Variants in CCSER1 observed in about 807,000 individuals in gnomAD.
The protein encoded by CCSER1 is coiled-coil serine rich protein 1.
CCSER1 carries 41 observed loss-of-function variants against 82.0 expected under a neutral mutation model. That is an observed-to-expected ratio of 0.50 (90% CI 0.39 to 0.65). CCSER1 has a LOEUF of 0.65. Among genes scored for constraint, CCSER1 ranks in the 30% least tolerant of loss-of-function variants. CCSER1 has a pLI of 0.00. For missense variants in CCSER1, 1,119 were observed against 1,064.2 expected (o/e 1.05, Z -0.72); for synonymous variants, 414 against 383.9 (o/e 1.08, Z -0.92).
chr4:91,458,186 TA>T (rs1327639195), intron 10 of CCSER1, among the ~76,000 whole-genome samples: 1 of 152,082 alleles, frequency 6.6e-6, no homozygotes, highest in African/African-American at 2.4e-5. Context: ...TATAGAGAGA[TA>T]GGGGTGTACT....
chr4:91,100,596 A>T (rs1402288849), intron 10 of CCSER1, among the ~76,000 whole-genome samples: 2 of 152,188 alleles, frequency 1.3e-5, no homozygotes, highest in African/African-American at 4.8e-5. Flanking sequence ...TCTACTTTGG[A>T]ATCTTTATTT....
At chr4:91,481,106 C>T (rs1327695335) in intron 10 of CCSER1, among the ~76,000 whole-genome samples, 9 of 147,548 alleles carry the variant, frequency 6.1e-5, no homozygotes, top group Non-Finnish European at 1.2e-4. Flanking sequence ...CTTCCCCTCC[C>T]CTACAGCCTC....
chr4:91,336,030 G>T (rs921891999), intron 10 of CCSER1, among the ~76,000 whole-genome samples: 6 of 152,030 alleles, frequency 3.9e-5, no homozygotes, highest in African/African-American at 1.4e-4. Context: ...GGCAAATTCA[G>T]CAAAGCCTTA....
intron 5 of CCSER1, among the ~76,000 whole-genome samples, chr4:90,548,146 TATA>T (rs1777004628): frequency 6.6e-6 from 1 of 152,024 alleles, no homozygotes; most frequent in Non-Finnish European, 1.5e-5. Context: ...AAAAAAAAAT[TATA>T]ATGACTTTTA....
intron 10 of CCSER1, among the ~76,000 whole-genome samples, chr4:91,143,306 G>A (rs757789417): frequency 6.6e-6 from 1 of 151,486 alleles, no homozygotes; most frequent in Non-Finnish European, 1.5e-5. Context: ...GTATAGAAAT[G>A]TTAAAGATTT....
chr4:90,477,687 T>A (rs185444952), intron 5 of CCSER1, among the ~76,000 whole-genome samples: 1 of 147,906 alleles, frequency 6.8e-6, no homozygotes, highest in East Asian at 2.0e-4. Flanking sequence ...TGTTTCCTGG[T>A]TTTTTTTTTA....
At chr4:90,763,414 T>C (rs1326771630) in intron 7 of CCSER1, among the ~76,000 whole-genome samples, 2 of 152,122 alleles carry the variant, frequency 1.3e-5, no homozygotes, top group East Asian at 1.9e-4. Context: ...AAAAACAATA[T>C]TAAAATTGTT....
intron 10 of CCSER1, among the ~76,000 whole-genome samples, chr4:91,105,184 T>G (rs1332447898): frequency 6.6e-6 from 1 of 152,132 alleles, no homozygotes; most frequent in Non-Finnish European, 1.5e-5. Context: ...TTCAAAAGCC[T>G]TATCCCCAAA....
intron 1 of CCSER1, among the ~76,000 whole-genome samples, chr4:90,243,809 T>A (rs949589392): frequency 6.6e-6 from 1 of 152,130 alleles, no homozygotes; most frequent in African/African-American, 2.4e-5. Flanking sequence ...TATTATAATT[T>A]TTTAAAAAAT....
chr4:91,260,801 C>T (rs899149004), intron 10 of CCSER1, among the ~76,000 whole-genome samples: 1 of 151,992 alleles, frequency 6.6e-6, no homozygotes, highest in East Asian at 1.9e-4. Context: ...CACTCAGTCG[C>T]CCAGGCTAGC....
chr4:91,548,231 C>T (rs1761985133), intron 10 of CCSER1, among the ~76,000 whole-genome samples: 1 of 152,140 alleles, frequency 6.6e-6, no homozygotes, highest in South Asian at 2.1e-4. Flanking sequence ...TCAAATAACA[C>T]CATACAACTT....
At chr4:90,632,807 C>T (rs774402417) in intron 6 of CCSER1, among the ~76,000 whole-genome samples, 1 of 152,102 alleles carries the variant, frequency 6.6e-6, no homozygotes, top group Non-Finnish European at 1.5e-5. Flanking sequence ...TGCTTATATG[C>T]ATCTCTTCTT....
intron 4 of CCSER1, among the ~76,000 whole-genome samples, chr4:90,432,022 C>A (rs1446301421): frequency 1.3e-5 from 2 of 151,962 alleles, no homozygotes; most frequent in Non-Finnish European, 2.9e-5. Flanking sequence ...ATTTTTAACC[C>A]CCTAGATCTC....
intron 4 of CCSER1, among the ~76,000 whole-genome samples, chr4:90,404,927 C>T (rs965449969): frequency 1.2e-4 from 19 of 152,094 alleles, no homozygotes; most frequent in African/African-American, 3.4e-4. Context: ...ACCAGAGAAA[C>T]AATTCTAGTA....
At chr4:90,266,603 C>G (rs1177561531) in intron 1 of CCSER1, among the ~76,000 whole-genome samples, 1 of 152,066 alleles carries the variant, frequency 6.6e-6, no homozygotes, top group Non-Finnish European at 1.5e-5. Context: ...GCTGATGCCA[C>G]CCCTCCCCCA....
At chr4:91,101,239 G>A (rs1205281733) in intron 10 of CCSER1, among the ~76,000 whole-genome samples, 1 of 152,170 alleles carries the variant, frequency 6.6e-6, no homozygotes. Flanking sequence ...TGAAGAAACA[G>A]TTCAACCATC....
intron 1 of CCSER1, among the ~76,000 whole-genome samples, chr4:90,228,044 G>A (rs1223238074): frequency 6.6e-6 from 1 of 152,226 alleles, no homozygotes; most frequent in Non-Finnish European, 1.5e-5. Context: ...CGAGGCTTGG[G>A]GAGGGGCGCC....
intron 1 of CCSER1, among the ~76,000 whole-genome samples, chr4:90,179,747 A>G (rs1733369355): frequency 6.6e-6 from 1 of 151,700 alleles, no homozygotes; most frequent in Admixed American, 6.6e-5. Flanking sequence ...TTTTTACACA[A>G]TCTGATGCTT....
At chr4:91,103,410 C>T (rs1725280128) in intron 10 of CCSER1, among the ~76,000 whole-genome samples, 1 of 152,000 alleles carries the variant, frequency 6.6e-6, no homozygotes. Flanking sequence ...AATAAGATTA[C>T]CTAATAATGA....
Sources: allele counts gnomAD v4.1 joint callset (sites outside exome capture counted in the v4.1 genomes callset), GRCh38; gene constraint gnomAD v4.1.1; transcripts MANE v1.5; gene names NCBI Gene and HGNC (gene_info 2026-07-23, HGNC 2026-07-21).